CHCHD6: variants seen among roughly 807,000 people sequenced by gnomAD.
CHCHD6 encodes the protein MICOS complex subunit MIC25.
CHCHD6 carries 28 observed loss-of-function variants against 32.3 expected under a neutral mutation model. The ratio of observed to expected loss-of-function variants is 0.87; its 90% confidence interval spans 0.64 to 1.19. The LOEUF is 1.19. Ranked by LOEUF, CHCHD6 falls within the 50% of genes most tolerant of loss-of-function variation. The pLI is 0.00. For synonymous variants in CHCHD6, 122 were observed against 117.5 expected (o/e 1.04, Z -0.25); for missense variants, 333 against 307.0 (o/e 1.08, Z -0.63).
intron 6 of CHCHD6, among the ~76,000 whole-genome samples, chr3:126,948,416 G>A (rs1362355399): frequency 5.3e-5 from 8 of 152,098 alleles, no homozygotes; most frequent in Non-Finnish European, 5.9e-5. Context: ...TGTCAGCCTC[G>A]GTCCCCATAG....
chr3:126,889,385 G>A (rs559151384), intron 5 of CHCHD6, among the ~76,000 whole-genome samples: 6 of 152,294 alleles, frequency 3.9e-5, no homozygotes, highest in Admixed American at 6.5e-5. Context: ...GAGGCACTGC[G>A]GAGCCCACAC....
At chr3:126,851,325 C>T (rs767404213) in intron 4 of CHCHD6, among the ~76,000 whole-genome samples, 15 of 152,180 alleles carry the variant, frequency 9.9e-5, no homozygotes, top group Non-Finnish European at 1.6e-4. Context: ...TCATGTCTTA[C>T]CCCATGTTTT....
chr3:126,849,684 G>A (rs574507759), intron 4 of CHCHD6, among the ~76,000 whole-genome samples: 1 of 152,286 alleles, frequency 6.6e-6, no homozygotes, highest in South Asian at 2.1e-4. Context: ...CTACAAGTGA[G>A]TCTGTCTTAT....
intron 5 of CHCHD6, among the ~76,000 whole-genome samples, chr3:126,853,638 A>C (rs1179546218): frequency 6.6e-6 from 1 of 152,164 alleles, no homozygotes; most frequent in African/African-American, 2.4e-5. Flanking sequence ...TCCTTGCCCC[A>C]TCAACACCTG....
chr3:126,818,069 G>A (rs758911269), intron 4 of CHCHD6, among the ~76,000 whole-genome samples: 2 of 152,144 alleles, frequency 1.3e-5, no homozygotes, highest in African/African-American at 4.8e-5. Flanking sequence ...TGAGTGAGGG[G>A]CCTGTAAAGC....
At chr3:126,888,909 G>A (rs1269105902) in intron 5 of CHCHD6, among the ~76,000 whole-genome samples, 1 of 152,180 alleles carries the variant, frequency 6.6e-6, no homozygotes, top group Non-Finnish European at 1.5e-5. Context: ...CCTGTGTGGT[G>A]CCCCTGCCAC....
chr3:126,883,171 CT>C (rs1403369009), intron 5 of CHCHD6, among the ~76,000 whole-genome samples: 1 of 152,178 alleles, frequency 6.6e-6, no homozygotes, highest in Non-Finnish European at 1.5e-5. Flanking sequence ...CTCCACGTCC[CT>C]TTTCCCCATA....
chr3:126,756,547 C>T (rs576406001), intron 4 of CHCHD6, among the ~76,000 whole-genome samples: 18 of 152,228 alleles, frequency 1.2e-4, no homozygotes, highest in Admixed American at 9.2e-4. Context: ...TTTATAAATC[C>T]GGGTCTCCCT....
intron 4 of CHCHD6, among the ~76,000 whole-genome samples, chr3:126,817,504 T>C (rs1334809177): frequency 6.6e-6 from 1 of 152,250 alleles, no homozygotes; most frequent in Non-Finnish European, 1.5e-5. Context: ...AGGCTGAGCC[T>C]GCAAGTGCCT....
chr3:126,953,976 A>G (rs1293322009), intron 6 of CHCHD6, among the ~76,000 whole-genome samples: 1 of 152,108 alleles, frequency 6.6e-6, no homozygotes, highest in Non-Finnish European at 1.5e-5. Flanking sequence ...GATAGAGTGC[A>G]CCTACTTTTG....
chr3:126,827,109 G>A (rs1269305652), intron 4 of CHCHD6, among the ~76,000 whole-genome samples: 3 of 152,162 alleles, frequency 2.0e-5, no homozygotes, highest in Non-Finnish European at 2.9e-5. Context: ...AGAAGTTGGA[G>A]GCAAGGGGGA....
In CHCHD6 at chr3:126,922,735, A is replaced by G. The variant is rs139421297; in HGVS notation, c.566+7985A>G. 2.3e-3 allele frequency among the ~76,000 whole-genome samples: 347 copies of G among 151,814 alleles called. 1 individual carries two copies. Among genetic ancestry groups the G allele is most frequent in the African/African-American group, 7.7e-3 (318 of 41,374 alleles). The stretch of plus-strand genomic sequence containing the variant: ...TATGTGTATGTGTGTGTGTGTGTGT[A>G]CACGTGCTTGTTTCCTAAGCTGTGG... On this transcript the variant is annotated intron_variant, in intron 6 of 7. Transcript: ENST00000290913.
intron 5 of CHCHD6, among the ~76,000 whole-genome samples, chr3:126,869,946 CCT>C (rs1456430299): frequency 1.3e-5 from 2 of 152,110 alleles, no homozygotes; most frequent in African/African-American, 2.4e-5. Context: ...TGGAATCTCC[CCT>C]GTTAGAAGGC....
chr3:126,719,896 T>C (rs1443555243), intron 1 of CHCHD6, among the ~76,000 whole-genome samples: 1 of 152,086 alleles, frequency 6.6e-6, no homozygotes, highest in African/African-American at 2.4e-5. Context: ...TTTTTTTAAT[T>C]TGAGACAGAG....
In CHCHD6 at chr3:126,704,349, T is replaced by A. The variant is rs142017260; in HGVS notation, c.37T>A (p.Ser13Thr). ...STESSEGRRV[S>T]FGVDEEERVR... ...GGAGAGCAGCGAGGGCCGCAGGGTG[T>A]CCTTCGGAGTGGACGAGGAGGAGCG... Residue 13 changes from serine (S) to threonine (T), a missense_variant, in exon 1 of 8, where the codon TCC becomes ACC. By Grantham distance (58) the Ser-to-Thr change is moderately conservative. Transcript: ENST00000290913. 5.9e-5 allele frequency: 94 copies of A among 1,597,666 alleles called. 1 individual carries two copies. In the African/African-American group the frequency reaches 1.1e-3, roughly 18 times the overall value.
chr3:126,707,134 G>T (rs1418234943), intron 1 of CHCHD6, among the ~76,000 whole-genome samples: 1 of 152,020 alleles, frequency 6.6e-6, no homozygotes, highest in Non-Finnish European at 1.5e-5. Context: ...GGGCATGGTG[G>T]CACACACCTG....
At chr3:126,841,763 T>A (rs1000717733) in intron 4 of CHCHD6, among the ~76,000 whole-genome samples, 27 of 151,986 alleles carry the variant, frequency 1.8e-4, no homozygotes, top group African/African-American at 6.3e-4. Flanking sequence ...TTTTTTTTTT[T>A]AATTAACTGG....
chr3:126,869,039 C>T (rs780930495), intron 5 of CHCHD6, among the ~76,000 whole-genome samples: 2 of 152,170 alleles, frequency 1.3e-5, no homozygotes, highest in Admixed American at 6.5e-5. Flanking sequence ...TCATATAATG[C>T]ACATTTCTAA....
At chr3:126,826,698 T>C (rs1325967383) in intron 4 of CHCHD6, among the ~76,000 whole-genome samples, 2 of 152,140 alleles carry the variant, frequency 1.3e-5, no homozygotes, top group Non-Finnish European at 1.5e-5. Context: ...TATCTAATAA[T>C]AAAAGTGGAG....
Sources: gnomAD v4.1 joint callset for allele counts (sites outside exome capture counted in the v4.1 genomes callset) on GRCh38, gnomAD v4.1.1 for gene constraint, MANE v1.5 for transcripts, NCBI Gene and HGNC (gene_info 2026-07-23, HGNC 2026-07-21) for gene names.